The following TFEC variants were observed in gnomAD, a reference collection of about 807,000 sequenced individuals.
The protein encoded by TFEC is transcription factor EC, also known as class E basic helix-loop-helix protein 34.
Under a neutral mutation model 41.6 loss-of-function variants are expected in TFEC, and 31 were observed. The observed-to-expected ratio is 0.74, with a 90% confidence interval of 0.56 to 1.01. The LOEUF (loss-of-function observed/expected upper bound fraction) is 1.01. Among genes scored for constraint, TFEC ranks in the 50% least tolerant of loss-of-function variants. The pLI is 0.00. For synonymous variants in TFEC, 143 were observed against 140.6 expected (o/e 1.02, Z -0.12); for missense variants, 402 against 404.1 (o/e 0.99, Z 0.04).
intron 3 of TFEC, among the ~76,000 whole-genome samples, chr7:116,041,303 A>T (rs1796032410): frequency 6.6e-6 from 1 of 152,154 alleles, no homozygotes; most frequent in Admixed American, 6.6e-5. Context: ...AGAAAAAAAA[A>T]GTCTTCCAAC....
intron 1 of TFEC, among the ~76,000 whole-genome samples, chr7:116,025,084 C>A (rs1795538484): frequency 1.3e-5 from 2 of 152,116 alleles, no homozygotes; most frequent in Admixed American, 1.3e-4. Flanking sequence ...AATGGAGATG[C>A]AAATGAATTG....
At chr7:116,117,093 G>A (rs953365849) in intron 1 of TFEC, among the ~76,000 whole-genome samples, 1 of 151,820 alleles carries the variant, frequency 6.6e-6, no homozygotes, top group African/African-American at 2.4e-5. Context: ...AAACCACTCT[G>A]TTGGACCCAC....
intron 2 of TFEC, among the ~76,000 whole-genome samples, chr7:115,976,962 T>A (rs952857658): frequency 4.6e-5 from 7 of 152,180 alleles, no homozygotes; most frequent in African/African-American, 1.7e-4. Flanking sequence ...ATGAGAAACA[T>A]CCTCCTTTGG....
intron 3 of TFEC, among the ~76,000 whole-genome samples, chr7:116,057,442 ATATT>A (rs1796455986): frequency 1.3e-5 from 2 of 151,994 alleles, no homozygotes; most frequent in Admixed American, 1.3e-4. Flanking sequence ...CAACAAAGAC[ATATT>A]TTAAAGATGA....
chr7:116,122,057 G>A (rs1389922194), intron 1 of TFEC, among the ~76,000 whole-genome samples: 1 of 152,012 alleles, frequency 6.6e-6, no homozygotes, highest in Non-Finnish European at 1.5e-5. Flanking sequence ...ATAAATTATG[G>A]AGGAGTCTTC....
chr7:116,156,255 C>T (rs544195343), intron 1 of TFEC, among the ~76,000 whole-genome samples: 57 of 152,228 alleles, frequency 3.7e-4, no homozygotes, highest in African/African-American at 1.3e-3. Flanking sequence ...TCAAAGACAG[C>T]TCATGGAGCA....
At chr7:116,066,940 C>T (rs1265576988) in intron 3 of TFEC, among the ~76,000 whole-genome samples, 1 of 151,808 alleles carries the variant, frequency 6.6e-6, no homozygotes, top group African/African-American at 2.4e-5. Context: ...GTGGTAATTT[C>T]AAATGAAATA....
At chr7:116,148,440 G>T (rs972055758) in intron 1 of TFEC, among the ~76,000 whole-genome samples, 1 of 152,122 alleles carries the variant, frequency 6.6e-6, no homozygotes, top group Admixed American at 6.5e-5. Context: ...CAGAATCCAC[G>T]AACAGAGCAA....
At chr7:115,987,360 A>G (rs899421136) in intron 1 of TFEC, among the ~76,000 whole-genome samples, 2 of 152,242 alleles carry the variant, frequency 1.3e-5, no homozygotes, top group Non-Finnish European at 2.9e-5. Context: ...TTAACTATGT[A>G]CCACTAATTT....
rs1276785970 is a variant in TFEC, at chr7:115,941,649, A to G, written c.663+244T>C. Reference sequence around the variant, plus strand: ...TATACATGCACACATACACACATATATACACATATATGTGTATATACATAT... The same window carrying G: ...TATACATGCACACATACACACATATGTACACATATATGTGTATATACATAT... On this transcript the variant is annotated intron_variant, in intron 7 of 7. Transcript: ENST00000265440. 11 of 491,732 alleles carry G rather than the reference A, an allele frequency of 2.2e-5. 1 individual carries two copies. In the South Asian group the frequency reaches 4.3e-4, roughly 19 times the overall value. The allele number at this position is 491,732 out of a possible 1,614,324, so 30.5% of individuals were successfully genotyped here.
chr7:116,088,307 T>C (rs1797247105), intron 3 of TFEC, among the ~76,000 whole-genome samples: 1 of 152,126 alleles, frequency 6.6e-6, no homozygotes, highest in African/African-American at 2.4e-5. Flanking sequence ...TAATTCTCTT[T>C]TCATTGTCTT....
intron 3 of TFEC, among the ~76,000 whole-genome samples, chr7:116,084,088 G>T (rs1038107179): frequency 6.6e-6 from 1 of 151,850 alleles, no homozygotes; most frequent in Non-Finnish European, 1.5e-5. Context: ...TTAAAGTTCA[G>T]AGAGCTAATT....
chr7:116,116,941 T>C (rs566489057), intron 1 of TFEC, among the ~76,000 whole-genome samples: 1 of 152,010 alleles, frequency 6.6e-6, no homozygotes, highest in South Asian at 2.1e-4. Flanking sequence ...AAGGAAAGGA[T>C]TTTATTTCAT....
At chr7:116,126,742 T>C (rs1798217448) in intron 1 of TFEC, among the ~76,000 whole-genome samples, 1 of 152,134 alleles carries the variant, frequency 6.6e-6, no homozygotes, top group South Asian at 2.1e-4. Flanking sequence ...CACTGAATGA[T>C]ATACCCCAGT....
intron 2 of TFEC, among the ~76,000 whole-genome samples, chr7:115,978,953 G>C (rs2130637580): frequency 6.6e-6 from 1 of 152,208 alleles, no homozygotes; most frequent in South Asian, 2.1e-4. Context: ...TCTCATTCAA[G>C]ATTTCAAAGA....
intron 1 of TFEC, among the ~76,000 whole-genome samples, chr7:116,027,447 T>C (rs1795627937): frequency 6.6e-6 from 1 of 151,926 alleles, no homozygotes; most frequent in Non-Finnish European, 1.5e-5. Flanking sequence ...TAAAAAGAAA[T>C]TAGCTGGATA....
At chr7:115,982,402 T>C (rs1793668206) in intron 2 of TFEC, among the ~76,000 whole-genome samples, 1 of 152,206 alleles carries the variant, frequency 6.6e-6, no homozygotes. Flanking sequence ...ATACACTTTC[T>C]GCCTTGAGTC....
intron 3 of TFEC, among the ~76,000 whole-genome samples, chr7:116,046,342 A>T (rs761066566): frequency 3.8e-4 from 58 of 152,172 alleles, no homozygotes; most frequent in Admixed American, 7.2e-4. Flanking sequence ...GAGGTAACTG[A>T]AAAATGGGTG....
chr7:116,034,339 T>C (rs1199449320), upstream of TFEC, among the ~76,000 whole-genome samples: 1 of 152,090 alleles, frequency 6.6e-6, no homozygotes, highest in Non-Finnish European at 1.5e-5. Flanking sequence ...TTGAATTCCA[T>C]ACTCATATAT....
Sources: gnomAD v4.1 joint callset for allele counts (sites outside exome capture counted in the v4.1 genomes callset) on GRCh38, gnomAD v4.1.1 for gene constraint, MANE v1.5 for transcripts, NCBI Gene and HGNC (gene_info 2026-07-23, HGNC 2026-07-21) for gene names.